Variants in MC2R observed in about 807,000 individuals in gnomAD.
MC2R encodes adrenocorticotropic hormone receptor.
A neutral mutation model predicts 9.8 loss-of-function variants in MC2R; 9 were observed. The observed-to-expected ratio is 0.92, with a 90% CI of 0.55 to 1.60. The LOEUF (loss-of-function observed/expected upper bound fraction) is 1.60, where lower values mean the gene tolerates loss of function less well. MC2R is among the 40% of genes most tolerant of loss of function. The pLI is 0.00. For missense variants in MC2R, 370 were observed against 389.0 expected (o/e 0.95, Z 0.41); for synonymous variants, 185 against 154.7 (o/e 1.20, Z -1.45).
chr18:13,885,725 C>G (rs534623730), intron 1 of MC2R, 79 bp from the exon 2 acceptor site: 1 of 590,070 alleles, frequency 1.7e-6, no homozygotes, highest in East Asian at 2.9e-5. Context: ...TAAAGAAACT[C>G]TATTCCCTCC....
At chr18:13,887,975 G>A (rs1353131574) in intron 1 of MC2R, among the ~76,000 whole-genome samples, 1 of 152,148 alleles carries the variant, frequency 6.6e-6, no homozygotes, top group Non-Finnish European at 1.5e-5. Flanking sequence ...GGTTAATACA[G>A]GGGCCAACAC....
intron 1 of MC2R, among the ~76,000 whole-genome samples, chr18:13,906,713 A>T (rs2045416715): frequency 6.6e-6 from 1 of 152,258 alleles, no homozygotes; most frequent in African/African-American, 2.4e-5. Context: ...ACATACAAAA[A>T]TTAGTAACAC....
At chr18:13,891,475 G>A (rs34064770) in intron 1 of MC2R, among the ~76,000 whole-genome samples, 14,270 of 152,268 alleles carry the variant, frequency 0.094, 746 homozygotes, top group Middle Eastern at 0.15. Flanking sequence ...GTGTATGCAT[G>A]GGTGGTTGTG....
intron 1 of MC2R, among the ~76,000 whole-genome samples, chr18:13,894,428 CCTAA>C (rs1475937674): frequency 6.6e-6 from 1 of 152,080 alleles, no homozygotes; most frequent in African/African-American, 2.4e-5. Flanking sequence ...GGTAGACCTC[CCTAA>C]CTATGGTTGT....
At chr18:13,914,499 G>A (rs12960399) in intron 1 of MC2R, among the ~76,000 whole-genome samples, 23,298 of 152,208 alleles carry the variant, frequency 0.15, 2,391 homozygotes, top group Middle Eastern at 0.28. Context: ...GATGGGGTGG[G>A]GAGGGCATGT....
At chr18:13,900,070 C>T (rs1406819565) in intron 1 of MC2R, among the ~76,000 whole-genome samples, 2 of 151,896 alleles carry the variant, frequency 1.3e-5, no homozygotes, top group South Asian at 2.1e-4. Flanking sequence ...ATGGACAGTA[C>T]AAAAATATGT....
intron 1 of MC2R, among the ~76,000 whole-genome samples, chr18:13,906,030 T>C (rs900480122): frequency 9.2e-5 from 14 of 152,120 alleles, no homozygotes; most frequent in Admixed American, 7.2e-4. Flanking sequence ...GCTGAGATTG[T>C]GCCATTGCAC....
chr18:13,892,640 TTTC>T (rs2045322018), intron 1 of MC2R, among the ~76,000 whole-genome samples: 1 of 152,216 alleles, frequency 6.6e-6, no homozygotes, highest in Admixed American at 6.5e-5. Context: ...AACTTTTTTT[TTTC>T]TTCAGACAGG....
intron 1 of MC2R, among the ~76,000 whole-genome samples, chr18:13,900,263 A>G (rs1308291892): frequency 6.6e-6 from 1 of 152,146 alleles, no homozygotes; most frequent in African/African-American, 2.4e-5. Context: ...TACAATGGAT[A>G]CACAAAAAAC....
At chr18:13,885,931 A>G (rs1190581810) in intron 1 of MC2R, among the ~76,000 whole-genome samples, 1 of 152,252 alleles carries the variant, frequency 6.6e-6, no homozygotes, top group East Asian at 1.9e-4. Flanking sequence ...TTTTGCAGCA[A>G]CATGGATGGA....
rs368904973 is a variant in MC2R at position 13,914,270 on chromosome 18, G to A, written c.-129+1218C>T. On this transcript the variant is annotated intron_variant, in intron 1 of 1. Coordinates refer to ENST00000327606, the MANE Select transcript of MC2R (RefSeq NM_000529.2). ...TCCCAAAGGCAGGGTGAGGGCTCCC[G>A]TCTCCCTGCTCCCACAGCTCTTTGT... Among the ~76,000 whole-genome samples, 8 of 152,248 alleles carry A rather than the reference G, an allele frequency of 5.3e-5. No homozygotes were observed. In the East Asian group the frequency reaches 1.4e-3, roughly 26 times the overall value.
In MC2R at chr18:13,897,471, C is replaced by T. The variant is rs149019835; in HGVS notation, c.-128-11825G>A. ...ACTGTAACTCTTAGGCGAGTCCTAA[C>T]GCTGAACTAGGCCCAGAGACAGCGG... On this transcript the variant is annotated intron_variant, in intron 1 of 1. Transcript: ENST00000327606. Among the ~76,000 whole-genome samples the T allele has an allele frequency of 3.3e-3, 500 of 152,260 alleles. 2 individuals carry two copies. The highest frequency in any genetic ancestry group is 5.9e-3 in the Non-Finnish European group (399 of 68,010).
chr18:13,912,118 G>T (rs1225134816), intron 1 of MC2R, among the ~76,000 whole-genome samples: 1 of 152,202 alleles, frequency 6.6e-6, no homozygotes, highest in African/African-American at 2.4e-5. Flanking sequence ...AGGTAAAACA[G>T]CAGATTCCAG....
At chr18:13,890,960 C>G (rs894414978) in intron 1 of MC2R, among the ~76,000 whole-genome samples, 9 of 152,168 alleles carry the variant, frequency 5.9e-5, no homozygotes, top group Non-Finnish European at 1.2e-4. Context: ...CCTGGGCACA[C>G]AAGGAGGAAG....
Position 13,884,132 on chromosome 18 carries a change from C to G in MC2R, c.*493G>C, listed in dbSNP as rs2045256219. On this transcript the variant is annotated 3_prime_UTR_variant, in exon 2 of 2. Coordinates refer to ENST00000327606, the MANE Select transcript of MC2R (RefSeq NM_000529.2). ...CAATTTATTATTGGCTTACAGAGAC[C>G]CTACATCTTCTGCCTGGAGTCGCAT... 3 of 213,408 alleles carry G rather than the reference C, an allele frequency of 1.4e-5. No homozygotes were observed. The South Asian group carries it at 2.4e-4, about 17-fold the overall frequency. The allele number at this position is 213,408 out of a possible 1,614,324, so 13.2% of individuals were successfully genotyped here.
At chr18:13,897,884 A>T (rs1190991028) in intron 1 of MC2R, among the ~76,000 whole-genome samples, 1 of 151,986 alleles carries the variant, frequency 6.6e-6, no homozygotes, top group Admixed American at 6.6e-5. Flanking sequence ...CCCAGGTACT[A>T]CGCTGAAGGC....
At chr18:13,905,434 C>T (rs113988850) in intron 1 of MC2R, among the ~76,000 whole-genome samples, 5,260 of 151,754 alleles carry the variant, frequency 0.035, 283 homozygotes, top group African/African-American at 0.12. Context: ...TGCACTGAGC[C>T]GTGATCGTGC....
intron 1 of MC2R, among the ~76,000 whole-genome samples, chr18:13,893,976 T>C (rs1340564558): frequency 1.3e-5 from 2 of 152,216 alleles, no homozygotes; most frequent in Admixed American, 6.5e-5. Context: ...CAACACCTCT[T>C]CATGAGGAGG....
At chr18:13,905,739 TTACTGGGTATA>T (rs2045410111) in intron 1 of MC2R, among the ~76,000 whole-genome samples, 1 of 152,124 alleles carries the variant, frequency 6.6e-6, no homozygotes. Flanking sequence ...AGCAATCCCA[TTACTGGGTATA>T]TACCCAAAGA....
Sources: gnomAD v4.1 joint callset for allele counts (sites outside exome capture counted in the v4.1 genomes callset) on GRCh38, gnomAD v4.1.1 for gene constraint, MANE v1.5 for transcripts, NCBI Gene and HGNC (gene_info 2026-07-23, HGNC 2026-07-21) for gene names.